The following AKAP9 variants were observed in gnomAD, a reference collection of about 807,000 sequenced individuals.
AKAP9 encodes the protein A-kinase anchor protein 9.
In AKAP9, 311 loss-of-function variants were observed where a neutral mutation model predicts 488.5. The observed-to-expected ratio is 0.64, with a 90% CI of 0.58 to 0.70. AKAP9 has a LOEUF of 0.70. Among genes scored for constraint, AKAP9 ranks in the 30% least tolerant of loss-of-function variants. The pLI is 0.00. For synonymous variants in AKAP9, 1,462 were observed against 1,483.5 expected (o/e 0.99, Z 0.33); for missense variants, 4,215 against 4,374.5 (o/e 0.96, Z 1.03).
intron 22 of AKAP9, among the ~76,000 whole-genome samples, chr7:92,060,512 C>T (rs1809584076): frequency 6.6e-6 from 1 of 152,110 alleles, no homozygotes; most frequent in African/African-American, 2.4e-5. Flanking sequence ...TCACACAGCT[C>T]ATTTAGTAGC....
chr7:92,089,609 G>A (rs1247053548), intron 38 of AKAP9, 80 bp downstream of exon 38: 1 of 1,417,692 alleles, frequency 7.1e-7, no homozygotes. Context: ...TTATTATTAA[G>A]TTAAAACATA....
chr7:91,959,041 C>T (rs182515770), intron 1 of AKAP9, among the ~76,000 whole-genome samples: 10 of 152,058 alleles, frequency 6.6e-5, no homozygotes, highest in African/African-American at 1.7e-4. Context: ...TGCACCACCA[C>T]GCCCGGCAAA....
Position 92,097,300 on chromosome 7 carries a change from A to G in AKAP9, c.10341A>G (p.Glu3447=). Reference sequence around the variant, plus strand: ...TCATGCAGGAATTCCAGAAGCAAGAACTAGAACGAGAAGAAAAACGAGAAA... The same window carrying G: ...TCATGCAGGAATTCCAGAAGCAAGAGCTAGAACGAGAAGAAAAACGAGAAA... ...QGIMQEFQKQ[E]LEREEKRESR... Residue 3447 remains glutamate (E), a synonymous_variant, in exon 41 of 50, where the codon GAA becomes GAG. Coordinates refer to ENST00000356239, the MANE Select transcript of AKAP9 (RefSeq NM_005751.5). The G allele has an allele frequency of 6.2e-7, 1 of 1,613,930 alleles. No individual in the cohort carries two copies. The highest frequency in any genetic ancestry group is 1.1e-5 in the South Asian group (1 of 91,068).
chr7:91,985,341 T>C (rs980998462), intron 3 of AKAP9, among the ~76,000 whole-genome samples: 1 of 152,174 alleles, frequency 6.6e-6, no homozygotes, highest in Non-Finnish European at 1.5e-5. Flanking sequence ...GGAATTTTGT[T>C]AAAGGCCTTT....
chr7:91,987,868 C>T (rs1797294610), intron 3 of AKAP9, among the ~76,000 whole-genome samples: 1 of 152,004 alleles, frequency 6.6e-6, no homozygotes, highest in Non-Finnish European at 1.5e-5. Flanking sequence ...CTCAATAACA[C>T]ACCTAAAAAA....
At chr7:92,064,633 T>C (rs1810466749) in intron 24 of AKAP9, among the ~76,000 whole-genome samples, 1 of 152,196 alleles carries the variant, frequency 6.6e-6, no homozygotes, top group South Asian at 2.1e-4. Flanking sequence ...CTCTCATACA[T>C]GTCAGTTTTC....
intron 31 of AKAP9, among the ~76,000 whole-genome samples, chr7:92,082,028 G>A (rs979707143): frequency 2.0e-5 from 3 of 152,122 alleles, no homozygotes; most frequent in South Asian, 4.2e-4. Flanking sequence ...GTTTAGTGGC[G>A]CAGTCTTGGC....
At chr7:92,017,256 T>C (rs1801641210) in intron 12 of AKAP9, among the ~76,000 whole-genome samples, 154 bp downstream of exon 12, 1 of 152,118 alleles carries the variant, frequency 6.6e-6, no homozygotes, top group Admixed American at 6.6e-5. Context: ...ATAATTTATA[T>C]TGGTAAGCTG....
At chr7:92,073,090 T>A (rs1257902041) in intron 28 of AKAP9, among the ~76,000 whole-genome samples, 1 of 152,162 alleles carries the variant, frequency 6.6e-6, no homozygotes, top group Non-Finnish European at 1.5e-5. Flanking sequence ...AGTGAGCTCT[T>A]AATGCACCTG....
Position 91,973,923 on chromosome 7 carries a change from A to G in AKAP9, c.261A>G (p.Leu87=), listed in dbSNP as rs150736347. ...CTGAATCTACAATAATGAGAACTCT[A>G]CATAGTGGAGAAATAACCAGTCATG... ...VIPESTIMRT[L]HSGEITSHEQ... The change falls in exon 2 of 50, where the codon CTA becomes CTG. Residue 87 remains leucine (L), a synonymous_variant. Coordinates refer to ENST00000356239, the MANE Select transcript of AKAP9 (RefSeq NM_005751.5). 69 of 1,613,974 alleles carry G rather than the reference A, an allele frequency of 4.3e-5. No homozygotes were observed. The highest frequency in any genetic ancestry group is 9.3e-5 in the African/African-American group (7 of 74,926).
At chr7:92,095,290 G>T (rs1175277586) in intron 40 of AKAP9, 117 bp downstream of exon 40, 29 of 1,158,162 alleles carry the variant, frequency 2.5e-5, no homozygotes, top group Non-Finnish European at 3.7e-5. Context: ...ATGGTAAGTT[G>T]TTCACTGTGC....
intron 8 of AKAP9, among the ~76,000 whole-genome samples, chr7:92,010,227 G>A (rs1800500523): frequency 6.6e-6 from 1 of 152,194 alleles, no homozygotes. Context: ...TTTGGTTGAA[G>A]GCAGCTGAAT....
chr7:92,101,330 T>C lies in AKAP9; in HGVS notation c.11097+274T>C, dbSNP rs1421541002. ...GGTGGCGGGTGCCTGTAGTCCCAGCTACTGTCCCAGGCAGGAGAATCGCTT... is the reference window on the plus strand; with the variant it reads ...GGTGGCGGGTGCCTGTAGTCCCAGCCACTGTCCCAGGCAGGAGAATCGCTT... On this transcript the variant is annotated intron_variant, in intron 45 of 49. Coordinates refer to ENST00000356239, the MANE Select transcript of AKAP9 (RefSeq NM_005751.5). Among the ~76,000 whole-genome samples, 3 of 151,742 alleles carry C rather than the reference T, an allele frequency of 2.0e-5. No individual in the cohort carries two copies. In the East Asian group the frequency reaches 5.8e-4, roughly 29 times the overall value.
chr7:92,104,335 CG>C (rs1563155995), intron 46 of AKAP9, among the ~76,000 whole-genome samples: 1 of 151,710 alleles, frequency 6.6e-6, no homozygotes, highest in African/African-American at 2.4e-5. Context: ...GGACTACAGG[CG>C]CCCACCACCA....
chr7:92,042,296 A>G, intron 19 of AKAP9, 110 bp downstream of exon 19: 10 of 1,445,586 alleles, frequency 6.9e-6, no homozygotes, highest in South Asian at 3.5e-5. Flanking sequence ...TGAGCTTAAC[A>G]TATTTGTGAC....
At position 92,089,447 on chromosome 7, in the gene AKAP9, T is replaced by C. The variant is rs767324244; in HGVS notation, c.9276T>C (p.Ser3092=). 3.7e-6 allele frequency: 6 copies of C among 1,612,728 alleles called. No homozygotes were observed. The highest frequency in any genetic ancestry group is 5.1e-6 in the Non-Finnish European group (6 of 1,179,740). Residue 3092 remains serine (S), a synonymous_variant, in exon 38 of 50, where the codon TCT becomes TCC. Transcript: ENST00000356239. ...LQKADRRSLL[S]EIQALHAQMN... ...AAGCAGATAGAAGGAGTTTGTTATC[T>C]GAAATTCAGGCACTGCATGCACAAA...
At position 91,957,454 on chromosome 7, in the gene AKAP9, T is replaced by C. The variant is rs866655549; in HGVS notation, c.49-16257T>C. 2.6e-5 allele frequency among the ~76,000 whole-genome samples: 4 copies of C among 152,212 alleles called. No individual in the cohort carries two copies. In the South Asian group the frequency reaches 8.3e-4, roughly 31 times the overall value. ...AATATGCAACATTTTAATCTTGGCA[T>C]ATCTAATCCTATGTGCTGTTCTATA... On this transcript the variant is annotated intron_variant, in intron 1 of 49. Coordinates refer to ENST00000356239, the MANE Select transcript of AKAP9 (RefSeq NM_005751.5).
intron 49 of AKAP9, 129 bp downstream of exon 49, chr7:92,108,762 G>C: frequency 8.9e-7 from 1 of 1,118,912 alleles, no homozygotes; most frequent in Non-Finnish European, 1.3e-6. Context: ...TAATTATTAA[G>C]TTAGCCAAAG....
chr7:91,990,434 A>G lies in AKAP9; in HGVS notation c.352-1724A>G, dbSNP rs377145179. Among the ~76,000 whole-genome samples, 11 of 152,072 alleles carry G rather than the reference A, an allele frequency of 7.2e-5. No individual in the cohort carries two copies. The East Asian group carries it at 9.6e-4, about 13-fold the overall frequency. ...GTGTGTTTTAGTTTAGTTCTGGTGA[A>G]TAATCTTTTATAGCCAATTTGTATG... On this transcript the variant is annotated intron_variant, in intron 3 of 49. Transcript: ENST00000356239.
Sources: allele counts gnomAD v4.1 joint callset (sites outside exome capture counted in the v4.1 genomes callset), GRCh38; gene constraint gnomAD v4.1.1; transcripts MANE v1.5; gene names NCBI Gene and HGNC (gene_info 2026-07-23, HGNC 2026-07-21).